CD209: variants seen among roughly 807,000 people sequenced by gnomAD.
CD209 encodes CD209 antigen.
In CD209, 31 loss-of-function variants were observed where a neutral mutation model predicts 44.7. The observed-to-expected ratio is 0.69, with a 90% CI of 0.52 to 0.94. The LOEUF (loss-of-function observed/expected upper bound fraction) is 0.94, where lower values mean the gene tolerates loss of function less well. Among genes scored for constraint, CD209 ranks in the 40% least tolerant of loss-of-function variants. CD209 has a pLI of 0.00. For synonymous variants in CD209, 173 were observed against 181.3 expected, an observed-to-expected ratio of 0.95 and a Z score of 0.37; for missense variants, 407 against 452.4, an observed-to-expected ratio of 0.90 and a Z score of 0.91.
At chr19:7,744,850 C>T (rs565809638) in intron 5 of CD209, 91 bp downstream of exon 5, 2 of 1,532,750 alleles carry the variant, frequency 1.3e-6, no homozygotes, top group East Asian at 2.3e-5. Flanking sequence ...GGAGCAAAAC[C>T]CCTCTTCTGC....
chr19:7,743,380 T>A, intron 6 of CD209, 140 bp from the exon 7 acceptor site: 3 of 761,266 alleles, frequency 3.9e-6, no homozygotes, highest in Non-Finnish European at 6.8e-6. Flanking sequence ...CCTGATAATA[T>A]GCCTGACTCA....
At position 7,741,474 on chromosome 19, in the gene CD209, G is replaced by T; in HGVS notation, c.*1565C>A. On this transcript the variant is annotated 3_prime_UTR_variant, in exon 7 of 7. Coordinates refer to ENST00000315599, the MANE Select transcript of CD209 (RefSeq NM_021155.4). ...GCCACTGCACTCCAGCCTGGCGACA[G>T]AGCAAGACCCCATCTTTAAAAAAAA... The T allele has an allele frequency of 4.1e-6, 2 of 489,984 alleles. No homozygotes were observed. The highest frequency in any genetic ancestry group is 1.8e-5 in the South Asian group (1 of 56,224). The allele number at this position is 489,984 out of a possible 1,614,324, so 30.4% of individuals were successfully genotyped here.
At chr19:7,744,307 G>A (rs2033726713) in intron 5 of CD209, 88 bp from the exon 6 acceptor site, 2 of 1,023,506 alleles carry the variant, frequency 2.0e-6, no homozygotes, top group Admixed American at 1.8e-5. Flanking sequence ...AGTTCTGCTT[G>A]TAGGCTAACC....
chr19:7,746,230 G>T, intron 3 of CD209, 143 bp from the exon 4 acceptor site: 10 of 1,302,052 alleles, frequency 7.7e-6, no homozygotes, highest in Non-Finnish European at 1.1e-5. Flanking sequence ...GACACCTGGA[G>T]AAGGCAGCAC....
In CD209 at chr19:7,742,933, C is replaced by A; in HGVS notation, c.*106G>T. On this transcript the variant is annotated 3_prime_UTR_variant, in exon 7 of 7. Coordinates refer to ENST00000315599, the MANE Select transcript of CD209 (RefSeq NM_021155.4). ...ATGACAAGAAGGACAGAATGGGACC[C>A]AGCCTTCTAAAGGAGGAAGAATCTG... 2.1e-6 allele frequency: 2 copies of A among 946,986 alleles called. No homozygotes were observed. The highest frequency in any genetic ancestry group is 1.5e-5 in the South Asian group (1 of 68,178). The allele number at this position is 946,986 out of a possible 1,614,324, so 58.7% of individuals were successfully genotyped here.
chr19:7,743,456 T>C (rs1358072232), intron 6 of CD209, among the ~76,000 whole-genome samples: 2 of 152,068 alleles, frequency 1.3e-5, no homozygotes, highest in Non-Finnish European at 1.5e-5. Flanking sequence ...CTATTGAGTG[T>C]GTGATTTTCA....
intron 3 of CD209, 60 bp from the exon 4 acceptor site, chr19:7,746,147 A>T (rs775380632): frequency 8.1e-6 from 13 of 1,603,004 alleles, no homozygotes; most frequent in Non-Finnish European, 1.0e-5. Flanking sequence ...CCAAGCCTTG[A>T]ACTGAGCCCC....
At chr19:7,745,145 T>C (rs2146321767) in intron 4 of CD209, 53 bp from the exon 5 acceptor site, 1 of 1,604,412 alleles carries the variant, frequency 6.2e-7, no homozygotes, top group Non-Finnish European at 8.5e-7. Context: ...TCCATATTCC[T>C]GTACCTGCCC....
rs749672042 is a variant in CD209, at chr19:7,743,118, T to G, written c.1136A>C (p.Lys379Thr). The stretch of plus-strand genomic sequence containing the variant: ...ATCCCTGGAGCAGGAGGCTGCGGAC[T>G]TTTTGCAGATCCAGAATTTGGCAAG... Reference protein sequence around the residue: ...CNLAKFWICKKSAASCSRDEE... With the variant: ...CNLAKFWICKTSAASCSRDEE... Residue 379 changes from lysine to threonine, a missense_variant, in exon 7 of 7, where the codon AAG (lysine) becomes ACG (threonine). Physicochemically the swap from Lys to Thr is moderately conservative, Grantham distance 78 (BLOSUM62 -1). Transcript: ENST00000315599. The G allele has an allele frequency of 1.2e-6, 2 of 1,614,058 alleles. No individual in the cohort carries two copies. Among genetic ancestry groups the G allele is most frequent in the African/African-American group, 2.7e-5 (2 of 74,918 alleles).
At position 7,746,488 on chromosome 19, in the gene CD209, G is replaced by C. The variant is rs749465042; in HGVS notation, c.150C>G (p.Phe50Leu). Residue 50 changes from phenylalanine (F) to leucine (L), a missense_variant, in exon 3 of 7, where the codon TTC becomes TTG. By Grantham distance (22) the Phe-to-Leu change is conservative (BLOSUM62 0). Transcript: ENST00000315599. The stretch of plus-strand genomic sequence containing the variant: ...GGACAAGGAGCCCAGCCAAGAGCGT[G>C]AAGGAGAGGAGTTGCAGCACCAGGG... ...HGPLVLQLLS[F>L]TLLAGLLVQV... 4 of 1,613,862 alleles carry C rather than the reference G, an allele frequency of 2.5e-6. No homozygotes were observed. The highest frequency in any genetic ancestry group is 3.4e-6 in the Non-Finnish European group (4 of 1,179,838).
At position 7,747,516 on chromosome 19, in the gene CD209, C is replaced by A. The variant is rs775207483; in HGVS notation, c.-5G>T. On this transcript the variant is annotated 5_prime_UTR_variant, in exon 1 of 7. Coordinates refer to ENST00000315599, the MANE Select transcript of CD209 (RefSeq NM_021155.4). ...TGGTTCCTTGGAGTCACTCATGTCACCCCACTCTCCCCCAGTGTCCAGAAC... is the reference window on the plus strand; with the variant it reads ...TGGTTCCTTGGAGTCACTCATGTCAACCCACTCTCCCCCAGTGTCCAGAAC... The A allele has an allele frequency of 1.2e-6, 2 of 1,613,982 alleles. No homozygotes were observed. The highest frequency in any genetic ancestry group is 2.7e-5 in the African/African-American group (2 of 74,908).
At position 7,741,919 on chromosome 19, in the gene CD209, C is replaced by T. The variant is rs757318089; in HGVS notation, c.*1120G>A. On this transcript the variant is annotated 3_prime_UTR_variant, in exon 7 of 7. Coordinates refer to ENST00000315599, the MANE Select transcript of CD209 (RefSeq NM_021155.4). ...ATTCCTACAAAAGAAATGGGGAATC[C>T]GAAAGGAAAAGGAAGAAATCTCACT... is the stretch of plus-strand genomic sequence containing the variant. The T allele has an allele frequency of 2.7e-5, 11 of 413,586 alleles. No homozygotes were observed. The highest frequency in any genetic ancestry group is 2.1e-4 in the African/African-American group (10 of 47,290). 25.6% of individuals were successfully genotyped at this position (413,586 alleles called of 1,614,324 possible).
At chr19:7,743,335 T>G (rs2033679711) in intron 6 of CD209, 95 bp from the exon 7 acceptor site, 1 of 1,049,770 alleles carries the variant, frequency 9.5e-7, no homozygotes, top group African/African-American at 1.6e-5. Context: ...ACATCTGCCC[T>G]GCGTGTGTAT....
In CD209 at chr19:7,746,485, C is replaced by A; in HGVS notation, c.153G>T (p.Thr51=). 6.2e-7 allele frequency: 1 copy of A among 1,613,822 alleles called. No individual in the cohort carries two copies. Among genetic ancestry groups the A allele is most frequent in the Non-Finnish European group, 8.5e-7 (1 of 1,179,824 alleles). The stretch of plus-strand genomic sequence containing the variant: ...CTTGGACAAGGAGCCCAGCCAAGAG[C>A]GTGAAGGAGAGGAGTTGCAGCACCA... ...GPLVLQLLSF[T]LLAGLLVQVS... is the part of the protein sequence containing the mutation. The change falls in exon 3 of 7, where the codon ACG becomes ACT. Residue 51 remains threonine, a synonymous_variant. Coordinates refer to ENST00000315599, the MANE Select transcript of CD209 (RefSeq NM_021155.4).
At position 7,741,548 on chromosome 19, in the gene CD209, T is replaced by G. The variant is rs2033614318; in HGVS notation, c.*1491A>C. 1 of 631,736 alleles carries G rather than the reference T, an allele frequency of 1.6e-6. No homozygotes were observed. The highest frequency in any genetic ancestry group is 3.0e-6 in the Non-Finnish European group (1 of 329,790). 39.1% of individuals were successfully genotyped at this position (631,736 alleles called of 1,614,324 possible). On this transcript the variant is annotated 3_prime_UTR_variant, in exon 7 of 7. Transcript: ENST00000315599. Reference sequence around the variant, plus strand: ...GGAGAGTGATTCAGTTCAAGGTCAGTTGCAACTTGGAACCTCACCTGAGGG... The same window carrying G: ...GGAGAGTGATTCAGTTCAAGGTCAGGTGCAACTTGGAACCTCACCTGAGGG...
intron 6 of CD209, 95 bp from the exon 7 acceptor site, chr19:7,743,335 T>A: frequency 9.5e-7 from 1 of 1,049,888 alleles, no homozygotes; most frequent in Non-Finnish European, 1.5e-6. Flanking sequence ...ACATCTGCCC[T>A]GCGTGTGTAT....
At position 7,744,135 on chromosome 19, in the gene CD209, A is replaced by G. The variant is rs1222756519; in HGVS notation, c.985T>C (p.Trp329Arg). ...SDLNQEGTWQ[W>R]VDGSPLLPSF... ...GGCAACAGAGGTGAGCCGTCCACCC[A>G]TTGCCACGTGCCTTCCTGATTTAGA... The change falls in exon 6 of 7, where the codon TGG becomes CGG. Residue 329 changes from tryptophan to arginine, a missense_variant. Transcript: ENST00000315599. 6.2e-7 allele frequency: 1 copy of G among 1,614,062 alleles called. No homozygotes were observed. The highest frequency in any genetic ancestry group is 1.1e-5 in the South Asian group (1 of 91,074).
At chr19:7,744,330 G>C (rs1244771992) in intron 5 of CD209, 111 bp from the exon 6 acceptor site, 3 of 781,376 alleles carry the variant, frequency 3.8e-6, no homozygotes, top group African/African-American at 3.4e-5. Flanking sequence ...CAGCCTTCTG[G>C]TATACTAGGT....
chr19:7,740,855 G>A lies in CD209; in HGVS notation c.*2184C>T, dbSNP rs2033587662. 2.7e-6 allele frequency: 2 copies of A among 742,842 alleles called. No homozygotes were observed. Among genetic ancestry groups the A allele is most frequent in the Admixed American group, 2.0e-5 (1 of 50,986 alleles). The allele number at this position is 742,842 out of a possible 1,614,324, so 46.0% of individuals were successfully genotyped here. ...AAAAACCGGAAGCTGTCCAGAAGAT[G>A]CTGGATCAGGCTGAAAATGAGTTGG... is the stretch of plus-strand genomic sequence containing the variant. On this transcript the variant is annotated 3_prime_UTR_variant, in exon 7 of 7. Transcript: ENST00000315599.
Sources: gnomAD v4.1 joint callset for allele counts (sites outside exome capture counted in the v4.1 genomes callset) on GRCh38, gnomAD v4.1.1 for gene constraint, MANE v1.5 for transcripts, NCBI Gene and HGNC (gene_info 2026-07-23, HGNC 2026-07-21) for gene names.